TTN: variants seen among roughly 807,000 people sequenced by gnomAD.
The protein encoded by TTN is connectin.
Under a neutral mutation model 3,223.0 loss-of-function variants are expected in TTN, and 1,525 were observed. The observed-to-expected ratio is 0.47, with a 90% CI of 0.45 to 0.49. The LOEUF is 0.49. Ranked by LOEUF, TTN falls within the 20% of genes least tolerant of loss-of-function variation. The pLI is 0.00. For synonymous variants in TTN, 14,094 were observed against 15,161.0 expected, an observed-to-expected ratio of 0.93 and a Z score of 5.17; for missense variants, 40,786 against 43,424.0, an observed-to-expected ratio of 0.94 and a Z score of 5.40.
chr2:178,707,775 G>A lies in TTN; in HGVS notation c.28792C>T (p.Pro9598Ser). The A allele has an allele frequency of 6.2e-7, 1 of 1,613,056 alleles. No homozygotes were observed. The highest frequency in any genetic ancestry group is 8.5e-7 in the Non-Finnish European group (1 of 1,179,154). The change falls in exon 100 of 363, where the codon CCA (proline) becomes TCA (serine). Residue 9598 changes from proline (P) to serine (S), a missense_variant. Coordinates refer to ENST00000589042, the MANE Select transcript of TTN (RefSeq NM_001267550.2). ...TATTCTCCTTCACTCACTGTTACTGGAGTAAGGTGCTGATCAAATACAGGT... is the reference window on the plus strand; with the variant it reads ...TATTCTCCTTCACTCACTGTTACTGAAGTAAGGTGCTGATCAAATACAGGT... ...KPPVFDQHLT[P>S]VTVSEGEYVQ...
chr2:178,568,899 A>G lies in TTN; in HGVS notation c.77233T>C (p.Trp25745Arg). Reference protein sequence around the residue: ...VEMQAKHSEKWSECARVKSLQ... With the variant: ...VEMQAKHSEKRSECARVKSLQ... ...GACTTTACTCGAGCACACTCTGACC[A>G]TTTCTCACTGTGTTTAGCTTGCATT... is the stretch of plus-strand genomic sequence containing the variant. The change falls in exon 326 of 363, where the codon TGG becomes CGG. Residue 25745 changes from tryptophan to arginine, a missense_variant. Trp to Arg is a moderately radical substitution (Grantham distance 101). Transcript: ENST00000589042. 6.2e-7 allele frequency: 1 copy of G among 1,613,226 alleles called. No homozygotes were observed. Among genetic ancestry groups the G allele is most frequent in the Non-Finnish European group, 8.5e-7 (1 of 1,179,546 alleles).
Position 178,570,245 on chromosome 2 carries a change from A to G in TTN, c.75887T>C (p.Val25296Ala), listed in dbSNP as rs765266847. Residue 25296 changes from valine to alanine, a missense_variant, in exon 326 of 363, where the codon GTA becomes GCA. Val to Ala is a moderately conservative substitution (Grantham distance 64). Transcript: ENST00000589042. ...TACTACAAATGGATTCTTGGCAACTACTGGCTCAGATTCAAGAGGTTCACC... is the reference window on the plus strand; with the variant it reads ...TACTACAAATGGATTCTTGGCAACTGCTGGCTCAGATTCAAGAGGTTCACC... ...GVGEPLESEP[V>A]VAKNPFVVPD... The G allele has an allele frequency of 3.1e-6, 5 of 1,613,360 alleles. No homozygotes were observed. Among genetic ancestry groups the G allele is most frequent in the Middle Eastern group, 1.7e-4 (1 of 6,056 alleles).
chr2:178,746,527 G>A, intron 47 of TTN: 1 of 1,613,150 alleles, frequency 6.2e-7, no homozygotes, highest in East Asian at 2.2e-5. Context: ...CAAACTCCAT[G>A]ACATGCTGAT....
chr2:178,676,182 C>T, intron 147 of TTN, 187 bp from the exon 148 acceptor site: 1 of 554,204 alleles, frequency 1.8e-6, no homozygotes, highest in Non-Finnish European at 3.2e-6. Context: ...CAGCATATGT[C>T]ATTATCAGAG....
rs73038337 is a variant in TTN at position 178,720,461 on chromosome 2, G to A, written c.23301C>T (p.Ser7767=). ...TSLHILNLEA[S]DVGEYHCKAT... ...CTTTGCAGTGATATTCCCCGACATCGGAGGCTTCAAGATTAAGGATATGAA... is the reference window on the plus strand; with the variant it reads ...CTTTGCAGTGATATTCCCCGACATCAGAGGCTTCAAGATTAAGGATATGAA... The change falls in exon 80 of 363, where the codon TCC becomes TCT. Residue 7767 remains serine (S), a synonymous_variant. Transcript: ENST00000589042. 5.5e-4 allele frequency: 880 copies of A among 1,613,610 alleles called. 3 individuals are homozygous for A. The African/African-American group carries it at 0.011, about 19-fold the overall frequency.
Position 178,546,911 on chromosome 2 carries a change from A to C in TTN, c.94523-6T>G, listed in dbSNP as rs775918383. On this transcript the variant is annotated splice_polypyrimidine_tract_variant and splice_region_variant and intron_variant, in intron 340 of 362. Transcript: ENST00000589042. ...CTCTGGTCTGCCTGGTGCATCTGGA[A>C]GGGATGCAAAAATAAGGTTAAAATA... The C allele has an allele frequency of 1.9e-6, 3 of 1,575,566 alleles. No homozygotes were observed. In the East Asian group the frequency reaches 6.8e-5, roughly 35 times the overall value.
Position 178,786,253 on chromosome 2 carries a change from T to G in TTN, c.2077-112A>C. On this transcript the variant is annotated intron_variant, in intron 13 of 362. Coordinates refer to ENST00000589042, the MANE Select transcript of TTN (RefSeq NM_001267550.2). Reference sequence around the variant, plus strand: ...TCCACATTATACAGCAGTGTTAACGTGTCTAGAAATGTATCTCAGAAACAC... The same window carrying G: ...TCCACATTATACAGCAGTGTTAACGGGTCTAGAAATGTATCTCAGAAACAC... 4.6e-6 allele frequency: 5 copies of G among 1,094,380 alleles called. No homozygotes were observed. In the South Asian group the frequency reaches 6.9e-5, roughly 15 times the overall value. The allele number at this position is 1,094,380 out of a possible 1,614,324, so 67.8% of individuals were successfully genotyped here.
At chr2:178,625,692 T>C (rs1473329798) in intron 240 of TTN, among the ~76,000 whole-genome samples, 4 of 151,974 alleles carry the variant, frequency 2.6e-5, no homozygotes, top group Non-Finnish European at 5.9e-5. Context: ...CATCTAGCAT[T>C]GGGTATAAGG....
chr2:178,533,787 C>T lies in TTN; in HGVS notation c.102828G>A (p.Arg34276=), dbSNP rs1275555858. 2 of 1,613,934 alleles carry T rather than the reference C, an allele frequency of 1.2e-6. No individual in the cohort carries two copies. Among genetic ancestry groups the T allele is most frequent in the East Asian group, 2.2e-5 (1 of 44,874 alleles). ...GGTGGACAGTTATAGTTACTCCAAA[C>T]CGGACATTTTCACCTACATAAGCTG... ...NKTAYVGENV[R]FGVTITVHPE... The change falls in exon 358 of 363, where the codon CGG becomes CGA. Residue 34276 remains arginine (R), a synonymous_variant. Coordinates refer to ENST00000589042, the MANE Select transcript of TTN (RefSeq NM_001267550.2).
rs751656168 is a variant in TTN, at chr2:178,581,484, C to G, written c.66769+15G>C. 6.4e-7 allele frequency: 1 copy of G among 1,569,664 alleles called. No homozygotes were observed. The highest frequency in any genetic ancestry group is 1.4e-5 in the African/African-American group (1 of 73,992). ...AATAGGAAAAGCCTTATGTACTCCC[C>G]CTGGTAATACTTACTTAAGATGTCC... On this transcript the variant is annotated intron_variant, in intron 316 of 362. Coordinates refer to ENST00000589042, the MANE Select transcript of TTN (RefSeq NM_001267550.2).
At chr2:178,751,812 A>G in intron 47 of TTN, 1 of 1,613,100 alleles carries the variant, frequency 6.2e-7, no homozygotes, top group Non-Finnish European at 8.5e-7. Context: ...GGAGTTGGAC[A>G]GGCAATTAAT....
rs1198400042 is a variant in TTN at position 178,650,814 on chromosome 2, G to A, written c.39646C>T (p.Pro13216Ser). 1 of 1,606,842 alleles carries A rather than the reference G, an allele frequency of 6.2e-7. No individual in the cohort carries two copies. The highest frequency in any genetic ancestry group is 8.5e-7 in the Non-Finnish European group (1 of 1,176,436). The change falls in exon 209 of 363, where the codon CCT (proline) becomes TCT (serine). Residue 13216 changes from proline to serine, a missense_variant. Pro to Ser is a moderately conservative substitution (Grantham distance 74, BLOSUM62 -1). Transcript: ENST00000589042. ...ACAGCTGGTTTCTCTTCCAAGACAG[G>A]TTTCTTTGGCACTTCTGGCACTTTA... ...PAKVPEVPKK[P>S]VLEEKPAVPV...
In TTN at chr2:178,552,813, TTC is replaced by T; in HGVS notation, c.90085_90086del (p.Glu30029SerfsTer7). The part of the protein sequence containing the change: ...CETTEPVKAA[E>X]VPAPIRDLSM... ...AGAGATCACGTATAGGAGCTGGTAC[TTC>T]AGCAGCCTTCACTGGCTCTGTAGTT... is the stretch of plus-strand genomic sequence containing the variant. On this transcript the variant is annotated frameshift_variant, in exon 335 of 363. Transcript: ENST00000589042. LOFTEE classifies it high-confidence loss of function. The T allele has an allele frequency of 1.2e-6, 2 of 1,613,896 alleles. No individual in the cohort carries two copies. The highest frequency in any genetic ancestry group is 1.7e-6 in the Non-Finnish European group (2 of 1,179,814).
chr2:178,664,217 A>T, intron 168 of TTN, 119 bp from the exon 169 acceptor site: 2 of 1,014,756 alleles, frequency 2.0e-6, no homozygotes, highest in Non-Finnish European at 2.9e-6. Flanking sequence ...AGTGGTAACA[A>T]GTTCCCATAA....
chr2:178,639,571 C>T (rs2060952062), intron 223 of TTN, 128 bp downstream of exon 223: 4 of 968,290 alleles, frequency 4.1e-6, no homozygotes, highest in South Asian at 1.4e-5. Context: ...AGAAACTTAC[C>T]ATAAACCTCC....
intron 240 of TTN, among the ~76,000 whole-genome samples, chr2:178,625,805 T>C (rs913173596): frequency 1.3e-5 from 2 of 151,960 alleles, no homozygotes; most frequent in African/African-American, 4.8e-5. Context: ...CCAACAATGA[T>C]AGACCGGATT....
chr2:178,679,973 T>C lies in TTN; in HGVS notation c.33501A>G (p.Val11167=), dbSNP rs2068969527. 1 of 1,613,202 alleles carries C rather than the reference T, an allele frequency of 6.2e-7. No individual in the cohort carries two copies. Among genetic ancestry groups the C allele is most frequent in the Non-Finnish European group, 8.5e-7 (1 of 1,179,428 alleles). The change falls in exon 140 of 363, where the codon GTA becomes GTG. Residue 11167 remains valine, a synonymous_variant. Coordinates refer to ENST00000589042, the MANE Select transcript of TTN (RefSeq NM_001267550.2). ...EVVTHVEEYL[V]EEEEEYIHEE... Reference sequence around the variant, plus strand: ...CATGAATGTACTCTTCTTCTTCTTCTACAAGATATTCTTCTACATGGGTTA... The same window carrying C: ...CATGAATGTACTCTTCTTCTTCTTCCACAAGATATTCTTCTACATGGGTTA...
Position 178,574,431 on chromosome 2 carries a change from C to T in TTN, c.71701G>A (p.Val23901Met). The T allele has an allele frequency of 1.2e-6, 2 of 1,613,532 alleles. No homozygotes were observed. Among genetic ancestry groups the T allele is most frequent in the Non-Finnish European group, 1.7e-6 (2 of 1,179,616 alleles). ...TTGCCTGCCATGTTTTCTGCAATCA[C>T]CCGGAACTCATAAGCAATACCATCT... is the stretch of plus-strand genomic sequence containing the variant. Reference protein sequence around the residue: ...LTDGIAYEFRVIAENMAGKSK... With the variant: ...LTDGIAYEFRMIAENMAGKSK... The change falls in exon 326 of 363, where the codon GTG becomes ATG. Residue 23901 changes from valine to methionine, a missense_variant. Val to Met is a conservative substitution (Grantham distance 21). Coordinates refer to ENST00000589042, the MANE Select transcript of TTN (RefSeq NM_001267550.2).
In TTN at chr2:178,587,266, G is replaced by A. The variant is rs780195785; in HGVS notation, c.63945C>T (p.Thr21315=). 5 of 1,612,968 alleles carry A rather than the reference G, an allele frequency of 3.1e-6. No homozygotes were observed. The African/African-American group carries it at 4.0e-5, about 13-fold the overall frequency. ...TTGTTTTCTTAACTTCTGGGGTAACGGTCGACCATGTCTTTCTGTCTGCCT... is the reference window on the plus strand; with the variant it reads ...TTGTTTTCTTAACTTCTGGGGTAACAGTCGACCATGTCTTTCTGTCTGCCT... ...KREADRKTWS[T]VTPEVKKTSF... Residue 21315 remains threonine (T), a synonymous_variant, in exon 307 of 363, where the codon ACC becomes ACT. Coordinates refer to ENST00000589042, the MANE Select transcript of TTN (RefSeq NM_001267550.2).
Sources: gnomAD v4.1 joint callset for allele counts (sites outside exome capture counted in the v4.1 genomes callset) on GRCh38, gnomAD v4.1.1 for gene constraint, MANE v1.5 for transcripts, NCBI Gene and HGNC (gene_info 2026-07-23, HGNC 2026-07-21) for gene names.